TDRD9: variants seen among roughly 807,000 people sequenced by gnomAD.
The protein encoded by TDRD9 is ATP-dependent RNA helicase TDRD9.
A neutral mutation model predicts 172.6 loss-of-function variants in TDRD9; 124 were observed. That is an observed-to-expected ratio of 0.72 (90% CI 0.62 to 0.83). The LOEUF (loss-of-function observed/expected upper bound fraction) is 0.83. TDRD9 is among the 40% of genes least tolerant of loss of function. The pLI, the probability that TDRD9 is intolerant of heterozygous loss-of-function variation, is 0.00. For synonymous variants in TDRD9, 619 were observed against 617.1 expected (o/e 1.00, Z -0.05); for missense variants, 1,479 against 1,714.1 (o/e 0.86, Z 2.42).
chr14:104,031,923 TC>T, intron 29 of TDRD9, 93 bp from the exon 30 acceptor site: 5 of 839,904 alleles, frequency 6.0e-6, no homozygotes, highest in South Asian at 3.7e-5. Context: ...CTTTTTTTTT[TC>T]CTTTAAAGAA....
At chr14:103,976,368 G>C (rs1193332114) in intron 7 of TDRD9, among the ~76,000 whole-genome samples, 2 of 151,612 alleles carry the variant, frequency 1.3e-5, no homozygotes, top group African/African-American at 4.9e-5. Flanking sequence ...CTGCCTTCCA[G>C]GTTCACACCA....
At chr14:104,014,654 T>C in intron 20 of TDRD9, 71 bp from the exon 21 acceptor site, 1 of 819,508 alleles carries the variant, frequency 1.2e-6, no homozygotes, top group South Asian at 1.5e-5. Context: ...GTGCACTTAT[T>C]TTCTAGTGTT....
chr14:104,027,802 C>T (rs2035168543), intron 28 of TDRD9, among the ~76,000 whole-genome samples: 1 of 152,146 alleles, frequency 6.6e-6, no homozygotes, highest in Non-Finnish European at 1.5e-5. Context: ...CCTATTCCTC[C>T]AATCTAGCTG....
At chr14:104,017,536 C>T (rs146905101) in intron 22 of TDRD9, among the ~76,000 whole-genome samples, 58 of 152,362 alleles carry the variant, frequency 3.8e-4, no homozygotes, top group African/African-American at 1.3e-3. Context: ...CCTTCTGTCA[C>T]GGAGCCCCGT....
Position 103,985,675 on chromosome 14 carries a change from C to T in TDRD9, c.1012-542C>T, listed in dbSNP as rs80221418. Among the ~76,000 whole-genome samples the T allele has an allele frequency of 5.5e-3, 843 of 152,198 alleles. 7 individuals carry two copies. Among genetic ancestry groups the T allele is most frequent in the Non-Finnish European group, 0.01 (681 of 68,018 alleles). On this transcript the variant is annotated intron_variant, in intron 7 of 35. Transcript: ENST00000409874. ...GACAATTAAAAGTAGTAGAGGAACC[C>T]GTAAACCTTGGTAGACGGATACCTC... is the stretch of plus-strand genomic sequence containing the variant.
chr14:103,971,121 C>T (rs1347901590), intron 6 of TDRD9, among the ~76,000 whole-genome samples: 1 of 151,652 alleles, frequency 6.6e-6, no homozygotes, highest in African/African-American at 2.4e-5. Context: ...GTAGCTGGGA[C>T]TACAGGCACC....
At chr14:104,049,771 C>T (rs80138579) in intron 35 of TDRD9, 91 bp downstream of exon 35, 65,356 of 1,155,300 alleles carry the variant, frequency 0.057, 2,172 homozygotes, top group Middle Eastern at 0.078. Flanking sequence ...CCAGGGCTGG[C>T]CGAGGGTCTG....
chr14:103,931,452 G>C (rs1267119354), intron 1 of TDRD9, among the ~76,000 whole-genome samples: 2 of 152,154 alleles, frequency 1.3e-5, no homozygotes, highest in African/African-American at 4.8e-5. Flanking sequence ...CTGGGCTCTA[G>C]GTGCATATGT....
At chr14:103,982,033 C>A (rs1232312912) in intron 7 of TDRD9, among the ~76,000 whole-genome samples, 1 of 152,044 alleles carries the variant, frequency 6.6e-6, no homozygotes, top group African/African-American at 2.4e-5. Flanking sequence ...TGTCATGTTA[C>A]CTCACCACAC....
chr14:103,998,636 G>A lies in TDRD9; in HGVS notation c.1391G>A (p.Cys464Tyr), dbSNP rs760994181. The A allele has an allele frequency of 6.2e-7, 1 of 1,600,768 alleles. No individual in the cohort carries two copies. Among genetic ancestry groups the A allele is most frequent in the Admixed American group, 1.7e-5 (1 of 59,572 alleles). Reference sequence around the variant, plus strand: ...TTTTAAATGGCAGTTATAGATTTTTGTTTGACTAGAACTTTGGTCTGTGAT... The same window carrying A: ...TTTTAAATGGCAGTTATAGATTTTTATTTGACTAGAACTTTGGTCTGTGAT... The part of the protein sequence containing the change: ...VPDVKYVIDF[C>Y]LTRTLVCDED... Residue 464 changes from cysteine (C) to tyrosine (Y), a missense_variant, in exon 13 of 36, where the codon TGT becomes TAT. By Grantham distance (194) the Cys-to-Tyr change is radical. Transcript: ENST00000409874.
At chr14:103,947,286 T>C (rs2031611479) in intron 1 of TDRD9, among the ~76,000 whole-genome samples, 1 of 152,000 alleles carries the variant, frequency 6.6e-6, no homozygotes, top group South Asian at 2.1e-4. Flanking sequence ...AAAGGACAGT[T>C]TGTTTTTTTT....
At chr14:104,030,006 T>C (rs559650998) in intron 28 of TDRD9, among the ~76,000 whole-genome samples, 118 of 152,300 alleles carry the variant, frequency 7.7e-4, no homozygotes, top group African/African-American at 2.7e-3. Context: ...TGAAGAATAC[T>C]GGGTATCAGG....
intron 1 of TDRD9, among the ~76,000 whole-genome samples, chr14:103,944,934 A>G (rs2031478942): frequency 6.6e-6 from 1 of 152,174 alleles, no homozygotes; most frequent in African/African-American, 2.4e-5. Context: ...GCTGGCTTTC[A>G]GTCACTTAAC....
chr14:103,963,271 G>GGT, intron 3 of TDRD9, 95 bp downstream of exon 3: 1 of 867,010 alleles, frequency 1.2e-6, no homozygotes, highest in Non-Finnish European at 1.8e-6. Context: ...CCAGTTGCCA[G>GGT]GTGAACACTT....
At chr14:103,963,279 C>CTTCTGTGGTGTACAAGG in intron 3 of TDRD9, 103 bp downstream of exon 3, 2 of 804,146 alleles carry the variant, frequency 2.5e-6, no homozygotes, top group Non-Finnish European at 3.9e-6. Flanking sequence ...CAGGTGAACA[C>CTTCTGTGGTGTACAAGG]TTCTGTGGTG....
chr14:104,009,885 C>T (rs2034557347), intron 20 of TDRD9, among the ~76,000 whole-genome samples: 1 of 151,988 alleles, frequency 6.6e-6, no homozygotes, highest in South Asian at 2.1e-4. Context: ...CCTGCCTCAG[C>T]CTCTGCAGTA....
Position 104,030,827 on chromosome 14 carries a change from G to A in TDRD9, c.3283-281G>A, listed in dbSNP as rs987728932. 5.3e-5 allele frequency among the ~76,000 whole-genome samples: 8 copies of A among 152,252 alleles called. No homozygotes were observed. The East Asian group carries it at 1.5e-3, about 29-fold the overall frequency. On this transcript the variant is annotated intron_variant, in intron 28 of 35. Coordinates refer to ENST00000409874, the MANE Select transcript of TDRD9 (RefSeq NM_153046.3). ...GGAACATCACACACTGGGGACTGTT[G>A]TGGGGTGAGGGGAGAGGGGAGGGAT...
intron 2 of TDRD9, among the ~76,000 whole-genome samples, chr14:103,961,567 A>G (rs2032511542): frequency 6.6e-6 from 1 of 151,518 alleles, no homozygotes; most frequent in Non-Finnish European, 1.5e-5. Context: ...TGTCCAGAAA[A>G]AGAAAAAAGA....
At chr14:104,003,177 G>A (rs1042996856) in intron 13 of TDRD9, among the ~76,000 whole-genome samples, 34 of 152,206 alleles carry the variant, frequency 2.2e-4, no homozygotes, top group Admixed American at 2.2e-3. Flanking sequence ...CTTGAGCCAA[G>A]AGATTGAGAC....
Sources: allele counts gnomAD v4.1 joint callset (sites outside exome capture counted in the v4.1 genomes callset), GRCh38; gene constraint gnomAD v4.1.1; transcripts MANE v1.5; gene names NCBI Gene and HGNC (gene_info 2026-07-23, HGNC 2026-07-21).